The following EIF5B variants were observed in gnomAD, a reference collection of about 807,000 sequenced individuals.
EIF5B encodes the protein eIF-5B.
A neutral mutation model predicts 147.5 loss-of-function variants in EIF5B; 47 were observed. The observed-to-expected ratio is 0.32, with a 90% confidence interval of 0.25 to 0.41. EIF5B has a LOEUF of 0.41. EIF5B is among the 10% of genes least tolerant of loss of function. The probability of loss-of-function intolerance (pLI) is 1.00; values close to 1 mark genes in which losing one functional copy is unlikely to be tolerated. For missense variants in EIF5B, 1,064 were observed against 1,413.2 expected (o/e 0.75, Z 3.96); for synonymous variants, 455 against 456.2 (o/e 1.00, Z 0.03).
chr2:99,359,685 T>G (rs1389544610), intron 1 of EIF5B, among the ~76,000 whole-genome samples: 1 of 152,238 alleles, frequency 6.6e-6, no homozygotes, highest in Non-Finnish European at 1.5e-5. Context: ...TCATTCCTAA[T>G]TCATTTAGAT....
chr2:99,349,849 T>C (rs1204606279), intron 1 of EIF5B, among the ~76,000 whole-genome samples: 2 of 152,212 alleles, frequency 1.3e-5, no homozygotes, highest in Non-Finnish European at 2.9e-5. Context: ...TGAAGTATAA[T>C]ACATTATTGT....
chr2:99,377,909 A>C (rs534580337), intron 10 of EIF5B, among the ~76,000 whole-genome samples: 12 of 152,148 alleles, frequency 7.9e-5, no homozygotes, highest in Non-Finnish European at 1.3e-4. Context: ...TTGTCCTGTC[A>C]TTGCTTCAGT....
In EIF5B at chr2:99,379,240, AG is replaced by A. The variant is rs1354930903; in HGVS notation, c.1951-77del. 6 of 1,445,808 alleles carry A rather than the reference AG, an allele frequency of 4.1e-6. No individual in the cohort carries two copies. The African/African-American group carries it at 8.6e-5, about 21-fold the overall frequency. 89.6% of individuals were successfully genotyped at this position (1,445,808 alleles called of 1,614,324 possible). A position where few individuals can be genotyped will look rare whatever the true frequency, so the allele number is the denominator to read the frequency against. On this transcript the variant is annotated intron_variant, in intron 11 of 23. Transcript: ENST00000289371. ...TAAGCAATTCTGCTTACAATAAATA[AG>A]TTGCTAATTTCTTATTATTTTTGCT...
intron 1 of EIF5B, among the ~76,000 whole-genome samples, chr2:99,356,533 T>C (rs575195864): frequency 6.6e-6 from 1 of 152,208 alleles, no homozygotes; most frequent in Non-Finnish European, 1.5e-5. Context: ...TTCTAATTAA[T>C]TAACATATTA....
At chr2:99,350,096 T>C (rs555680048) in intron 1 of EIF5B, among the ~76,000 whole-genome samples, 1 of 152,348 alleles carries the variant, frequency 6.6e-6, no homozygotes, top group African/African-American at 2.4e-5. Flanking sequence ...TCCAAGTTCA[T>C]ATGTGTTGTC....
In EIF5B at chr2:99,337,421, C is replaced by T. The variant is rs370609784; in HGVS notation, c.-134C>T. 1.4e-4 allele frequency: 155 copies of T among 1,106,592 alleles called. No individual in the cohort carries two copies. The East Asian group carries it at 2.3e-3, about 17-fold the overall frequency. 68.5% of individuals were successfully genotyped at this position (1,106,592 alleles called of 1,614,324 possible). On this transcript the variant is annotated 5_prime_UTR_variant, in exon 1 of 24. Coordinates refer to ENST00000289371, the MANE Select transcript of EIF5B (RefSeq NM_015904.4). ...ATGTGTCCTGTTCCAGTGCGCGGGT[C>T]TGTGGAGAGCCGGGTGCGAGCGGCG...
At chr2:99,363,567 T>A in intron 4 of EIF5B, 78 bp from the exon 5 acceptor site, 1 of 1,417,540 alleles carries the variant, frequency 7.1e-7, no homozygotes, top group Non-Finnish European at 9.6e-7. Flanking sequence ...GTCCTTGAAT[T>A]GTGGTTGGGT....
At chr2:99,381,762 G>A (rs1393246828) in intron 12 of EIF5B, among the ~76,000 whole-genome samples, 3 of 151,990 alleles carry the variant, frequency 2.0e-5, no homozygotes, top group African/African-American at 4.8e-5. Context: ...GGATATATTT[G>A]AAGTCAGAAT....
chr2:99,353,981 T>C (rs1674040310), intron 1 of EIF5B, among the ~76,000 whole-genome samples: 1 of 152,234 alleles, frequency 6.6e-6, no homozygotes, highest in Non-Finnish European at 1.5e-5. Flanking sequence ...GAAAATAAAA[T>C]TGCTATGAAC....
chr2:99,392,280 G>A (rs1307497439), intron 17 of EIF5B, among the ~76,000 whole-genome samples: 1 of 151,980 alleles, frequency 6.6e-6, no homozygotes. Context: ...TTGCCGTGTT[G>A]GCCAGGCTAG....
intron 1 of EIF5B, among the ~76,000 whole-genome samples, chr2:99,346,590 T>TC (rs1491301586): frequency 3.6e-4 from 5 of 14,046 alleles, no homozygotes; most frequent in Admixed American, 1.7e-3. Flanking sequence ...GTTGTATCTC[T>TC]TTTTTTTTTT....
At chr2:99,359,710 A>G (rs1674167309) in intron 1 of EIF5B, among the ~76,000 whole-genome samples, 1 of 152,180 alleles carries the variant, frequency 6.6e-6, no homozygotes, top group Non-Finnish European at 1.5e-5. Context: ...ATGTGTGGTT[A>G]TGTTTTTCTC....
At chr2:99,368,268 T>C (rs1368860771) in intron 6 of EIF5B, among the ~76,000 whole-genome samples, 1 of 152,226 alleles carries the variant, frequency 6.6e-6, no homozygotes, top group South Asian at 2.1e-4. Context: ...TTCATTGTGA[T>C]GGTGATACAC....
At chr2:99,395,042 A>C (rs1373500365) in intron 21 of EIF5B, among the ~76,000 whole-genome samples, 159 bp downstream of exon 21, 1 of 152,236 alleles carries the variant, frequency 6.6e-6, no homozygotes, top group Non-Finnish European at 1.5e-5. Context: ...AACCCAACAT[A>C]CTGGGGACAT....
At chr2:99,338,257 C>A in intron 1 of EIF5B, 1 of 1,242,324 alleles carries the variant, frequency 8.0e-7, no homozygotes, top group South Asian at 1.2e-5. Flanking sequence ...GAGGTCGCTC[C>A]TTTCTAACCA....
At chr2:99,341,746 AAAT>A (rs1158175866) in intron 1 of EIF5B, among the ~76,000 whole-genome samples, 2 of 152,238 alleles carry the variant, frequency 1.3e-5, no homozygotes, top group Admixed American at 6.5e-5. Flanking sequence ...TTAAAAATAA[AAAT>A]AAACTTACAC....
intron 1 of EIF5B, among the ~76,000 whole-genome samples, chr2:99,343,475 CTG>C (rs2094265221): frequency 6.6e-6 from 1 of 151,872 alleles, no homozygotes; most frequent in Non-Finnish European, 1.5e-5. Context: ...CTGAGATAAT[CTG>C]TTGCCAAATC....
At chr2:99,368,291 TCA>T (rs1237854269) in intron 6 of EIF5B, among the ~76,000 whole-genome samples, 200 bp from the exon 7 acceptor site, 5 of 152,246 alleles carry the variant, frequency 3.3e-5, no homozygotes, top group African/African-American at 1.2e-4. Flanking sequence ...ATCAAAACTC[TCA>T]CTGTATGTGA....
In EIF5B at chr2:99,393,337, A is replaced by G. The variant is rs188408048; in HGVS notation, c.2880+239A>G. Among the ~76,000 whole-genome samples, 12 of 152,284 alleles carry G rather than the reference A, an allele frequency of 7.9e-5. No individual in the cohort carries two copies. In the East Asian group the frequency reaches 2.3e-3, roughly 29 times the overall value. ...TAATGCATTTTATTCAAATAAAAAAATGAGTCAAAAGCTAGAAGTCGGCTG... is the reference window on the plus strand; with the variant it reads ...TAATGCATTTTATTCAAATAAAAAAGTGAGTCAAAAGCTAGAAGTCGGCTG... On this transcript the variant is annotated intron_variant, in intron 18 of 23. Transcript: ENST00000289371.
Sources: allele counts gnomAD v4.1 joint callset (sites outside exome capture counted in the v4.1 genomes callset), GRCh38; gene constraint gnomAD v4.1.1; transcripts MANE v1.5; gene names NCBI Gene and HGNC (gene_info 2026-07-23, HGNC 2026-07-21).